PTPRD: variants seen among roughly 807,000 people sequenced by gnomAD.
PTPRD encodes protein tyrosine phosphatase receptor type D.
In PTPRD, 34 loss-of-function variants were observed where a neutral mutation model predicts 214.5. The ratio of observed to expected loss-of-function variants is 0.16; its 90% confidence interval spans 0.12 to 0.21. The LOEUF is 0.21. Ranked by LOEUF, PTPRD falls within the 10% of genes least tolerant of loss-of-function variation. The pLI is 1.00. For missense variants in PTPRD, 2,545 were observed against 2,398.7 expected, an observed-to-expected ratio of 1.06 and a Z score of -1.27; for synonymous variants, 1,128 against 845.7, an observed-to-expected ratio of 1.33 and a Z score of -5.79.
At chr9:8,917,462 C>T (rs531922744) in intron 11 of PTPRD, among the ~76,000 whole-genome samples, 1 of 151,936 alleles carries the variant, frequency 6.6e-6, no homozygotes, top group Non-Finnish European at 1.5e-5. Flanking sequence ...TTCTATTTTC[C>T]TCTTTGCTCT....
At chr9:9,669,326 A>G (rs1285265378) in intron 7 of PTPRD, among the ~76,000 whole-genome samples, 2 of 152,186 alleles carry the variant, frequency 1.3e-5, no homozygotes, top group African/African-American at 4.8e-5. Flanking sequence ...TGATAGTAGC[A>G]TCTTGTTCCT....
At chr9:9,117,465 T>C (rs1027435838) in intron 10 of PTPRD, among the ~76,000 whole-genome samples, 2 of 152,166 alleles carry the variant, frequency 1.3e-5, no homozygotes, top group Non-Finnish European at 2.9e-5. Flanking sequence ...CAAGACACTA[T>C]ATATGCAGCT....
intron 8 of PTPRD, among the ~76,000 whole-genome samples, chr9:9,434,217 A>G (rs368082965): frequency 1.3e-3 from 197 of 152,272 alleles, no homozygotes; most frequent in Non-Finnish European, 2.3e-3. Flanking sequence ...CAGTGCCTAG[A>G]TCTCTCTGAG....
chr9:10,291,753 A>G (rs1025190114), intron 3 of PTPRD, among the ~76,000 whole-genome samples: 1 of 152,140 alleles, frequency 6.6e-6, no homozygotes, highest in African/African-American at 2.4e-5. Context: ...CCAGGACTGT[A>G]CAAAAATAAT....
intron 3 of PTPRD, among the ~76,000 whole-genome samples, chr9:10,190,245 A>C (rs1234467314): frequency 6.6e-6 from 1 of 151,600 alleles, no homozygotes; most frequent in Admixed American, 6.6e-5. Context: ...AGTGGTCCTG[A>C]ATCCCAGCTA....
At chr9:9,094,885 T>C (rs2099781269) in intron 10 of PTPRD, among the ~76,000 whole-genome samples, 1 of 152,100 alleles carries the variant, frequency 6.6e-6, no homozygotes, top group African/African-American at 2.4e-5. Context: ...AATAAATCTT[T>C]AAACCAGTGT....
intron 3 of PTPRD, among the ~76,000 whole-genome samples, chr9:10,242,375 G>C (rs1453867926): frequency 6.6e-6 from 1 of 151,996 alleles, no homozygotes; most frequent in Non-Finnish European, 1.5e-5. Context: ...GGCCAAAAGA[G>C]AGATTAGAAT....
intron 11 of PTPRD, among the ~76,000 whole-genome samples, chr9:8,831,910 C>CT (rs34325005): frequency 0.57 from 87,002 of 151,858 alleles, 25,821 homozygotes; most frequent in African/African-American, 0.73. Context: ...TCCTTTAGTG[C>CT]TTTTTTTGAC....
intron 5 of PTPRD, among the ~76,000 whole-genome samples, chr9:9,776,410 A>G (rs1027086202): frequency 3.3e-5 from 5 of 152,032 alleles, no homozygotes; most frequent in Non-Finnish European, 5.9e-5. Context: ...ACTGATCTGT[A>G]TCTTCCATTA....
At chr9:9,922,043 A>G (rs2082697146) in intron 5 of PTPRD, among the ~76,000 whole-genome samples, 1 of 152,142 alleles carries the variant, frequency 6.6e-6, no homozygotes, top group South Asian at 2.1e-4. Flanking sequence ...TGGAGAAATG[A>G]TTCATATAGC....
At chr9:9,326,018 C>G (rs545434542) in intron 9 of PTPRD, among the ~76,000 whole-genome samples, 3 of 152,020 alleles carry the variant, frequency 2.0e-5, no homozygotes, top group South Asian at 2.1e-4. Context: ...TATGTTGAAC[C>G]AGCCTTGCAT....
chr9:8,854,786 A>G (rs987327667), intron 11 of PTPRD, among the ~76,000 whole-genome samples: 1 of 152,202 alleles, frequency 6.6e-6, no homozygotes, highest in Non-Finnish European at 1.5e-5. Flanking sequence ...CTTTAATCAC[A>G]TCATCAATCT....
intron 7 of PTPRD, among the ~76,000 whole-genome samples, chr9:9,729,058 G>A (rs1172411259): frequency 6.6e-6 from 1 of 152,038 alleles, no homozygotes; most frequent in Non-Finnish European, 1.5e-5. Flanking sequence ...ATATGTCTTT[G>A]GAAACGTGGC....
intron 12 of PTPRD, among the ~76,000 whole-genome samples, chr9:8,727,620 T>C (rs1309007707): frequency 1.3e-5 from 2 of 152,072 alleles, no homozygotes; most frequent in African/African-American, 2.4e-5. Flanking sequence ...CAGAAATTGC[T>C]TTTTGTTTTG....
chr9:10,065,196 G>GAAAGAAAGAAAGAAAAA (rs2097855969), intron 3 of PTPRD, among the ~76,000 whole-genome samples: 1 of 21,274 alleles, frequency 4.7e-5, no homozygotes, highest in Admixed American at 5.0e-4. Context: ...AGAAAGAAAA[G>GAAAGAAAGAAAGAAAAA]GATGCTTTGC....
intron 11 of PTPRD, chr9:8,861,675 A>G (rs543364960): frequency 1.3e-5 from 2 of 152,344 alleles, no homozygotes; most frequent in East Asian, 3.9e-4. Flanking sequence ...TTTCACTTCT[A>G]TAGTGATGAT....
At chr9:9,862,968 A>G (rs915482292) in intron 5 of PTPRD, among the ~76,000 whole-genome samples, 3 of 152,160 alleles carry the variant, frequency 2.0e-5, no homozygotes, top group Non-Finnish European at 2.9e-5. Context: ...TTTTTCAACC[A>G]TTATTTCTTC....
At chr9:9,605,832 T>G (rs7029761) in intron 7 of PTPRD, among the ~76,000 whole-genome samples, 60,354 of 151,884 alleles carry the variant, frequency 0.4, 12,479 homozygotes, top group Middle Eastern at 0.49. Context: ...GTAAGAATGA[T>G]TTGCATTACA....
Position 8,966,941 on chromosome 9 carries a change from C to CAACA in PTPRD, c.-104+51752_-104+51755dup, listed in dbSNP as rs542780931. Reference sequence around the variant, plus strand: ...ACAAACAAACAAACAAACAACAAAACAACAAACAAACAAAATAAATAAGCC... The same window carrying CAACA: ...ACAAACAAACAAACAAACAACAAAACAACAAACAAACAAACAAAATAAATAAGCC... On this transcript the variant is annotated intron_variant, in intron 11 of 45. Coordinates refer to ENST00000381196, the MANE Select transcript of PTPRD (RefSeq NM_002839.4). Among the ~76,000 whole-genome samples the CAACA allele has an allele frequency of 5.9e-3, 876 of 149,052 alleles. 2 individuals are homozygous for CAACA. The highest frequency in any genetic ancestry group is 0.02 in the African/African-American group (807 of 40,378).
Sources: gnomAD v4.1 joint callset for allele counts (sites outside exome capture counted in the v4.1 genomes callset) on GRCh38, gnomAD v4.1.1 for gene constraint, MANE v1.5 for transcripts, NCBI Gene and HGNC (gene_info 2026-07-23, HGNC 2026-07-21) for gene names.